MALRD1: variants seen among roughly 807,000 people sequenced by gnomAD.
MALRD1 encodes the protein MAM and LDL-receptor class A domain-containing protein 1.
MALRD1 carries 247 observed loss-of-function variants against 242.1 expected under a neutral mutation model. The observed-to-expected ratio is 1.02, with a 90% confidence interval of 0.92 to 1.13. The LOEUF (loss-of-function observed/expected upper bound fraction) is 1.13. Among genes scored for constraint, MALRD1 ranks in the 50% most tolerant of loss-of-function variants. The pLI is 0.00. For missense variants in MALRD1, 2,989 were observed against 2,533.1 expected (o/e 1.18, Z -3.86); for synonymous variants, 995 against 866.6 (o/e 1.15, Z -2.60).
chr10:19,253,240 T>A (rs1189843959), intron 18 of MALRD1, among the ~76,000 whole-genome samples: 1 of 151,972 alleles, frequency 6.6e-6, no homozygotes, highest in East Asian at 1.9e-4. Context: ...CAGAAAATTG[T>A]TCATAGCTGA....
intron 38 of MALRD1, 54 bp from the exon 39 acceptor site, chr10:19,730,652 T>C (rs749898189): frequency 2.7e-6 from 4 of 1,488,792 alleles, no homozygotes; most frequent in South Asian, 2.4e-5. Context: ...CCTGAAAATG[T>C]ACTATGGTAA....
chr10:19,267,090 T>G (rs1840003310), intron 19 of MALRD1, among the ~76,000 whole-genome samples: 1 of 152,056 alleles, frequency 6.6e-6, no homozygotes, highest in Non-Finnish European at 1.5e-5. Flanking sequence ...AATAGTGAGA[T>G]AGCTAGTTTA....
intron 36 of MALRD1, among the ~76,000 whole-genome samples, chr10:19,659,257 A>G (rs769030221): frequency 2.6e-5 from 4 of 152,186 alleles, no homozygotes; most frequent in Non-Finnish European, 4.4e-5. Context: ...GCAAATATTC[A>G]TAGAGTGTGT....
intron 33 of MALRD1, among the ~76,000 whole-genome samples, chr10:19,586,907 G>A (rs576243828): frequency 6.6e-6 from 1 of 152,234 alleles, no homozygotes; most frequent in Admixed American, 6.5e-5. Flanking sequence ...CTCCGAGCCA[G>A]GTGTGGGATA....
intron 21 of MALRD1, among the ~76,000 whole-genome samples, chr10:19,305,372 A>G (rs1842120498): frequency 6.6e-6 from 1 of 151,528 alleles, no homozygotes; most frequent in Non-Finnish European, 1.5e-5. Context: ...GCCCCAAGTA[A>G]GGTTTTCAGG....
At chr10:19,125,318 C>CTTT (rs1491232526) in intron 7 of MALRD1, among the ~76,000 whole-genome samples, 6 of 80,168 alleles carry the variant, frequency 7.5e-5, no homozygotes, top group African/African-American at 3.5e-4. Flanking sequence ...TCCTTCCTTC[C>CTTT]TTCCTTCTTT....
chr10:19,659,408 TCTTA>T (rs1450314210), intron 36 of MALRD1, among the ~76,000 whole-genome samples: 10 of 152,300 alleles, frequency 6.6e-5, no homozygotes, highest in South Asian at 2.1e-4. Flanking sequence ...GTCTTTATCT[TCTTA>T]CTTACATGAT....
At chr10:19,533,554 G>C (rs3897300) in intron 32 of MALRD1, among the ~76,000 whole-genome samples, 98,232 of 152,136 alleles carry the variant, frequency 0.65, 35,426 homozygotes, top group Non-Finnish European at 0.79. Context: ...AGGAAGCATG[G>C]CACTGGGCAT....
At chr10:19,507,799 A>G (rs1833208752) in intron 31 of MALRD1, among the ~76,000 whole-genome samples, 1 of 152,238 alleles carries the variant, frequency 6.6e-6, no homozygotes, top group Non-Finnish European at 1.5e-5. Context: ...TTGAAAATGT[A>G]TGTGAATAAA....
chr10:19,385,284 C>G (rs1052700802), intron 26 of MALRD1, among the ~76,000 whole-genome samples: 1 of 151,908 alleles, frequency 6.6e-6, no homozygotes, highest in Non-Finnish European at 1.5e-5. Context: ...AGGAAATGTT[C>G]TCTTCAATTT....
At chr10:19,678,905 A>G (rs1470112889) in intron 36 of MALRD1, among the ~76,000 whole-genome samples, 1 of 152,130 alleles carries the variant, frequency 6.6e-6, no homozygotes. Context: ...TATTGAGACA[A>G]TCCATGATTA....
chr10:19,237,511 T>G, intron 18 of MALRD1, among the ~76,000 whole-genome samples: 1 of 33,394 alleles, frequency 3.0e-5, no homozygotes. Context: ...TGTGTGTGTG[T>G]CCATATATAT....
At chr10:19,378,055 C>G (rs1357607468) in intron 26 of MALRD1, among the ~76,000 whole-genome samples, 1 of 151,986 alleles carries the variant, frequency 6.6e-6, no homozygotes, top group Admixed American at 6.6e-5. Context: ...TTTTCTGTCC[C>G]TACTTTATTA....
At chr10:19,570,447 G>A (rs1564448748) in intron 33 of MALRD1, among the ~76,000 whole-genome samples, 1 of 152,008 alleles carries the variant, frequency 6.6e-6, no homozygotes, top group Non-Finnish European at 1.5e-5. Context: ...TACTATAGAG[G>A]GGAATGTCAA....
At chr10:19,074,213 C>T (rs1372476324) in intron 2 of MALRD1, among the ~76,000 whole-genome samples, 1 of 152,102 alleles carries the variant, frequency 6.6e-6, no homozygotes, top group African/African-American at 2.4e-5. Flanking sequence ...AGTTGACAAT[C>T]CTATTTCTGC....
intron 12 of MALRD1, among the ~76,000 whole-genome samples, chr10:19,157,435 G>A (rs1284656007): frequency 6.6e-6 from 1 of 151,944 alleles, no homozygotes; most frequent in African/African-American, 2.4e-5. Context: ...TTTTAGTGGA[G>A]TCGGGGTTTC....
intron 32 of MALRD1, among the ~76,000 whole-genome samples, chr10:19,564,776 A>G (rs1836178503): frequency 6.6e-6 from 1 of 152,150 alleles, no homozygotes; most frequent in Admixed American, 6.5e-5. Context: ...GTTTTTCAAA[A>G]TTATCAACAT....
chr10:19,385,369 G>A (rs1846031722), intron 26 of MALRD1, among the ~76,000 whole-genome samples: 1 of 152,048 alleles, frequency 6.6e-6, no homozygotes, highest in Non-Finnish European at 1.5e-5. Context: ...GAAGCCATCT[G>A]GTTCTGGGCT....
chr10:19,531,312 G>C lies in MALRD1; in HGVS notation c.5439G>C (p.Trp1813Cys). Reference protein sequence around the residue: ...ASLGMCTVRFWFYMIDPRSMG... With the variant: ...ASLGMCTVRFCFYMIDPRSMG... The stretch of plus-strand genomic sequence containing the variant: ...TTGGAATGTGTACTGTTCGGTTCTG[G>C]TTCTACATGATTGATCCCAGGAGTA... The change falls in exon 32 of 40, where the codon TGG (tryptophan) becomes TGC (cysteine). Residue 1813 changes from tryptophan (W) to cysteine (C), a missense_variant. Transcript: ENST00000454679. 1 of 1,549,284 alleles carries C rather than the reference G, an allele frequency of 6.5e-7. No homozygotes were observed. Among genetic ancestry groups the C allele is most frequent in the South Asian group, 1.2e-5 (1 of 83,906 alleles).
Sources: gnomAD v4.1 joint callset for allele counts (sites outside exome capture counted in the v4.1 genomes callset) on GRCh38, gnomAD v4.1.1 for gene constraint, MANE v1.5 for transcripts, NCBI Gene and HGNC (gene_info 2026-07-23, HGNC 2026-07-21) for gene names.